The following ADCY3 variants were observed in gnomAD, a reference collection of about 807,000 sequenced individuals.
ADCY3 encodes the protein adenylate cyclase type 3.
ADCY3 carries 70 observed loss-of-function variants against 119.4 expected under a neutral mutation model. The ratio of observed to expected loss-of-function variants is 0.59; its 90% CI spans 0.48 to 0.72. The LOEUF (loss-of-function observed/expected upper bound fraction) is 0.72, where lower values mean the gene tolerates loss of function less well. ADCY3 is among the 30% of genes least tolerant of loss of function. ADCY3 has a pLI of 0.00. For synonymous variants in ADCY3, 672 were observed against 621.4 expected (o/e 1.08, Z -1.21); for missense variants, 1,238 against 1,541.6 (o/e 0.80, Z 3.30).
intron 2 of ADCY3, among the ~76,000 whole-genome samples, chr2:24,887,059 C>T (rs1677110208): frequency 1.3e-5 from 2 of 152,142 alleles, no homozygotes; most frequent in South Asian, 4.1e-4. Flanking sequence ...TGTGACCGGG[C>T]AATTTATAAA....
At chr2:24,868,582 C>T (rs1283381684) in intron 3 of ADCY3, among the ~76,000 whole-genome samples, 1 of 152,002 alleles carries the variant, frequency 6.6e-6, no homozygotes, top group Non-Finnish European at 1.5e-5. Flanking sequence ...TGCAGTGAGC[C>T]TAGACTGCGC....
chr2:24,826,085 A>G lies in ADCY3; in HGVS notation c.2537T>C (p.Val846Ala). ...GTAGAAGCTGAGCATCATGAGGAACACCATCACCGTCATAGAGTACTTGGA... is the reference window on the plus strand; with the variant it reads ...GTAGAAGCTGAGCATCATGAGGAACGCCATCACCGTCATAGAGTACTTGGA... Reference protein sequence around the residue: ...VPSKYSMTVMVFLMMLSFYYF... With the variant: ...VPSKYSMTVMAFLMMLSFYYF... The change falls in exon 16 of 22, where the codon GTG becomes GCG. Residue 846 changes from valine (V) to alanine (A), a missense_variant. Around this residue, in one of 7 missense-constraint regions of ADCY3, gnomAD observed 499 missense variants for 571.0 expected, o/e 0.87. Transcript: ENST00000679454. 1.2e-6 allele frequency: 2 copies of G among 1,613,962 alleles called. No individual in the cohort carries two copies. The highest frequency in any genetic ancestry group is 1.7e-6 in the Non-Finnish European group (2 of 1,179,984).
At chr2:24,851,007 A>C (rs1672225017) in intron 3 of ADCY3, among the ~76,000 whole-genome samples, 1 of 152,240 alleles carries the variant, frequency 6.6e-6, no homozygotes, top group South Asian at 2.1e-4. Context: ...AACGTTTTTC[A>C]AAGTTGCTAT....
In ADCY3 at chr2:24,866,492, G is replaced by A. The variant is rs1674313958; in HGVS notation, c.825+6078C>T. On this transcript the variant is annotated intron_variant, in intron 3 of 21. Coordinates refer to ENST00000679454, the MANE Select transcript of ADCY3 (RefSeq NM_004036.5). ...CTCAAAAGGCTGGGGTGGGAGTTTT[G>A]CTTGAGCCCAGGAACTCGAAGATGC... Among the ~76,000 whole-genome samples the A allele has an allele frequency of 1.4e-5, 2 of 138,484 alleles. 1 individual carries two copies. Among genetic ancestry groups the A allele is most frequent in the South Asian group, 4.6e-4 (2 of 4,360 alleles). The allele number at this position is 138,484 out of a possible 152,430, so 90.9% of individuals were successfully genotyped here.
At chr2:24,884,724 G>A (rs918906443) in intron 2 of ADCY3, among the ~76,000 whole-genome samples, 2 of 151,880 alleles carry the variant, frequency 1.3e-5, no homozygotes, top group African/African-American at 2.4e-5. Flanking sequence ...TGATCTGCCC[G>A]CCTTGGCCTC....
intron 2 of ADCY3, chr2:24,877,837 C>T (rs1051888526): frequency 5.3e-5 from 25 of 467,388 alleles, no homozygotes; most frequent in South Asian, 1.1e-4. Context: ...AGCTGGCGCT[C>T]GAAGCCTTAC....
rs543631254 is a variant in ADCY3, at chr2:24,842,880, C to T, written c.826-496G>A. Among the ~76,000 whole-genome samples, 2 of 152,228 alleles carry T rather than the reference C, an allele frequency of 1.3e-5. No homozygotes were observed. The highest frequency in any genetic ancestry group is 1.9e-4 in the East Asian group (1 of 5,194). ...CAGCAAGAACGTCCACCTCAGAGAGCGGAGGGTCTCACGGGGACACAGGTA... is the reference window on the plus strand; with the variant it reads ...CAGCAAGAACGTCCACCTCAGAGAGTGGAGGGTCTCACGGGGACACAGGTA... On this transcript the variant is annotated intron_variant, in intron 3 of 21. Coordinates refer to ENST00000679454, the MANE Select transcript of ADCY3 (RefSeq NM_004036.5). This position sits in a 1 kb window ranked among gnomAD's most constrained non-coding sequence, Gnocchi z 4.9.
intron 2 of ADCY3, among the ~76,000 whole-genome samples, chr2:24,892,112 T>C (rs1436084453): frequency 6.6e-6 from 1 of 152,200 alleles, no homozygotes; most frequent in East Asian, 1.9e-4. Flanking sequence ...CTAAGATCTC[T>C]TGTGATTTTT....
chr2:24,914,887 A>G (rs1664261529), intron 2 of ADCY3, among the ~76,000 whole-genome samples: 1 of 151,984 alleles, frequency 6.6e-6, no homozygotes, highest in South Asian at 2.1e-4. Flanking sequence ...TCATTAACTC[A>G]TTGGTGGGGC....
chr2:24,885,376 C>A (rs1865688), intron 2 of ADCY3, among the ~76,000 whole-genome samples: 2 of 152,040 alleles, frequency 1.3e-5, no homozygotes, highest in Non-Finnish European at 2.9e-5. Flanking sequence ...AACACCCAAG[C>A]TTGTCATGGT....
intron 2 of ADCY3, among the ~76,000 whole-genome samples, chr2:24,916,581 C>T (rs973691737): frequency 2.0e-5 from 3 of 152,186 alleles, no homozygotes; most frequent in African/African-American, 7.2e-5. Flanking sequence ...ACTCAGGAGG[C>T]TAAGGCAGAA....
At chr2:24,836,498 T>C (rs1670346071) in intron 9 of ADCY3, among the ~76,000 whole-genome samples, 1 of 152,210 alleles carries the variant, frequency 6.6e-6, no homozygotes, top group South Asian at 2.1e-4. Context: ...TTCCTCGCCT[T>C]TGGGGGCTAA....
intron 13 of ADCY3, among the ~76,000 whole-genome samples, chr2:24,829,464 C>T (rs1390386423): frequency 7.6e-6 from 1 of 131,420 alleles, no homozygotes; most frequent in African/African-American, 3.0e-5. Flanking sequence ...ACTCTGTTGC[C>T]AGGCTGGAGT....
intron 9 of ADCY3, 34 bp downstream of exon 9, chr2:24,836,883 C>T: frequency 6.4e-7 from 1 of 1,573,844 alleles, no homozygotes; most frequent in South Asian, 1.2e-5. Flanking sequence ...GCATCTGGCC[C>T]TCAGTGACCC....
chr2:24,844,782 C>G (rs1364601200), intron 3 of ADCY3, among the ~76,000 whole-genome samples: 1 of 152,212 alleles, frequency 6.6e-6, no homozygotes, highest in Non-Finnish European at 1.5e-5. Context: ...CTGGCACTGG[C>G]CCCTGCCTGA....
In ADCY3 at chr2:24,843,000, G is replaced by A. The variant is rs1284957457; in HGVS notation, c.826-616C>T. Among the ~76,000 whole-genome samples, 1 of 152,196 alleles carries A rather than the reference G, an allele frequency of 6.6e-6. No individual in the cohort carries two copies. Among genetic ancestry groups the A allele is most frequent in the Non-Finnish European group, 1.5e-5 (1 of 68,028 alleles). ...AGAGAAGCAGGGGCCAAGGTCGGCC[G>A]GGGAGGAGGCATCAAGGAGGCCTTC... On this transcript the variant is annotated intron_variant, in intron 3 of 21. Transcript: ENST00000679454. This position sits in a 1 kb window ranked among gnomAD's most constrained non-coding sequence, Gnocchi z 4.9.
rs942048498 is a variant in ADCY3, at chr2:24,898,902, G to A, written c.675+19411C>T. 6.6e-5 allele frequency among the ~76,000 whole-genome samples: 10 copies of A among 152,136 alleles called. No individual in the cohort carries two copies. The highest frequency in any genetic ancestry group is 2.1e-4 in the South Asian group (1 of 4,826). ...TTTCACCGCCAGAGAACTCCAGCGC[G>A]GACGCCAAGCACGACCACGGCAGGT... On this transcript the variant is annotated intron_variant, in intron 2 of 21. Coordinates refer to ENST00000679454, the MANE Select transcript of ADCY3 (RefSeq NM_004036.5). The surrounding 1 kb of genome is among the most constrained non-coding windows in gnomAD (Gnocchi z 4.3).
rs1459604524 is a variant in ADCY3 at position 24,911,641 on chromosome 2, A to ACACACACACACACACACACACAC, written c.675+6671_675+6672insGTGTGTGTGTGTGTGTGTGTGTG. 6.2e-4 allele frequency among the ~76,000 whole-genome samples: 36 copies of ACACACACACACACACACACACAC among 58,098 alleles called. 1 individual carries two copies. Among genetic ancestry groups the ACACACACACACACACACACACAC allele is most frequent in the African/African-American group, 1.8e-3 (31 of 17,106 alleles). 38.1% of individuals were successfully genotyped at this position (58,098 alleles called of 152,430 possible). ...CTCCAGCCTGGGAGACAGACTCAAA[A>ACACACACACACACACACACACAC]AAAAAAAAAAAAAAAAACACACACA... On this transcript the variant is annotated intron_variant, in intron 2 of 21. Transcript: ENST00000679454.
chr2:24,910,661 CTT>C (rs59644324), intron 2 of ADCY3, among the ~76,000 whole-genome samples: 47,587 of 130,768 alleles, frequency 0.36, 4,785 homozygotes, highest in African/African-American at 0.44. Context: ...CTTTTCTTTT[CTT>C]TTTTTTTTTT....
Sources: allele counts gnomAD v4.1 joint callset (sites outside exome capture counted in the v4.1 genomes callset), GRCh38; gene constraint gnomAD v4.1.1; regional missense constraint gnomAD v4.1.1; non-coding constraint Gnocchi (gnomAD v3.1); transcripts MANE v1.5; gene names NCBI Gene and HGNC (gene_info 2026-07-23, HGNC 2026-07-21).